Variants in SLMAP observed in about 807,000 individuals in gnomAD.
SLMAP encodes the protein sarcolemma associated protein, also known as sarcolemmal membrane-associated protein.
A neutral mutation model predicts 128.8 loss-of-function variants in SLMAP; 44 were observed. That is an observed-to-expected ratio of 0.34 (90% CI 0.27 to 0.44). The LOEUF is 0.44. SLMAP is among the 20% of genes least tolerant of loss of function. The pLI is 1.00. For synonymous variants in SLMAP, 327 were observed against 348.8 expected (o/e 0.94, Z 0.70); for missense variants, 787 against 985.3 (o/e 0.80, Z 2.69).
chr3:57,779,277 G>A (rs1362579574), intron 2 of SLMAP, among the ~76,000 whole-genome samples: 4 of 152,054 alleles, frequency 2.6e-5, no homozygotes, highest in South Asian at 2.1e-4. Context: ...GGAGGCTGAG[G>A]CAGGTAGATT....
At chr3:57,924,958 T>TTTTTTG (rs2096978276) in intron 23 of SLMAP, among the ~76,000 whole-genome samples, 6 of 134,336 alleles carry the variant, frequency 4.5e-5, no homozygotes, top group Admixed American at 1.5e-4. Flanking sequence ...TTGTTTTTTG[T>TTTTTTG]TTTTTTTTTT....
chr3:57,912,442 C>A lies in SLMAP; in HGVS notation c.1761C>A (p.Ile587=). 6.2e-7 allele frequency: 1 copy of A among 1,614,090 alleles called. No individual in the cohort carries two copies. The highest frequency in any genetic ancestry group is 8.5e-7 in the Non-Finnish European group (1 of 1,179,968). ...ENLREEKDSE[I]TSTRDELLSA... ...TCCGGGAGGAGAAGGACAGTGAAATCACAAGTACTAGAGATGAATTGCTTA... is the reference window on the plus strand; with the variant it reads ...TCCGGGAGGAGAAGGACAGTGAAATAACAAGTACTAGAGATGAATTGCTTA... Residue 587 remains isoleucine (I), a synonymous_variant, in exon 20 of 25, where the codon ATC becomes ATA. Transcript: ENST00000671191.
chr3:57,914,641 G>A (rs1418753636), intron 21 of SLMAP, among the ~76,000 whole-genome samples: 1 of 151,090 alleles, frequency 6.6e-6, no homozygotes, highest in African/African-American at 2.4e-5. Flanking sequence ...AGAGATCAGT[G>A]GCGCGATCTC....
intron 22 of SLMAP, 152 bp from the exon 23 acceptor site, chr3:57,922,737 T>C (rs1418214885): frequency 2.9e-6 from 2 of 695,888 alleles, no homozygotes; most frequent in Non-Finnish European, 4.6e-6. Flanking sequence ...AAAAGACTTC[T>C]TATGAGTGCA....
intron 2 of SLMAP, among the ~76,000 whole-genome samples, chr3:57,803,710 A>G (rs1450996153): frequency 6.6e-6 from 1 of 152,096 alleles, no homozygotes; most frequent in East Asian, 1.9e-4. Flanking sequence ...GGAGGCACAA[A>G]TCCAACATGG....
rs188578338 is a variant in SLMAP at position 57,786,982 on chromosome 3, C to T, written c.198+29133C>T. ...CGATCGCCTGACCTTGTGATCCGCCCGCCTCGGCCTCCCAAAGTGTTGGGA... is the reference window on the plus strand; with the variant it reads ...CGATCGCCTGACCTTGTGATCCGCCTGCCTCGGCCTCCCAAAGTGTTGGGA... On this transcript the variant is annotated intron_variant, in intron 2 of 24. Coordinates refer to ENST00000671191, the MANE Select transcript of SLMAP (RefSeq NM_001377540.1). Among the ~76,000 whole-genome samples the T allele has an allele frequency of 1.0e-2, 1,521 of 152,176 alleles. 17 individuals are homozygous for T. Among genetic ancestry groups the T allele is most frequent in the South Asian group, 0.036 (173 of 4,826 alleles).
At position 57,928,536 on chromosome 3, in the gene SLMAP, A is replaced by T. The variant is rs2097041673; in HGVS notation, c.*1247A>T. On this transcript the variant is annotated 3_prime_UTR_variant, in exon 25 of 25. Coordinates refer to ENST00000671191, the MANE Select transcript of SLMAP (RefSeq NM_001377540.1). ...TATGCACAATGAAGCACCTAAAAAC[A>T]CTGCTTGATATTATAAATTTAAAAC... The T allele has an allele frequency of 6.6e-6, 1 of 152,208 alleles. No individual in the cohort carries two copies. Among genetic ancestry groups the T allele is most frequent in the Admixed American group, 6.5e-5 (1 of 15,278 alleles). 9.4% of individuals were successfully genotyped at this position (152,208 alleles called of 1,614,324 possible). A position where few individuals can be genotyped will look rare whatever the true frequency, so the allele number is the denominator to read the frequency against.
At chr3:57,764,994 G>A (rs896407334) in intron 2 of SLMAP, among the ~76,000 whole-genome samples, 24 of 152,242 alleles carry the variant, frequency 1.6e-4, no homozygotes, top group African/African-American at 4.3e-4. Flanking sequence ...TTTAGGGAAA[G>A]TTTAATGGAT....
chr3:57,851,015 CTTA>C (rs371609540), intron 6 of SLMAP, among the ~76,000 whole-genome samples: 36 of 152,294 alleles, frequency 2.4e-4, no homozygotes, highest in African/African-American at 8.4e-4. Context: ...TTATATAGCA[CTTA>C]TTATATGCCA....
At chr3:57,834,506 T>C (rs937372416) in intron 3 of SLMAP, among the ~76,000 whole-genome samples, 16 of 152,212 alleles carry the variant, frequency 1.1e-4, no homozygotes, top group Non-Finnish European at 1.9e-4. Context: ...TAGAGTAAAT[T>C]GATGTTTTCC....
At chr3:57,907,803 A>T in intron 17 of SLMAP, 81 bp from the exon 18 acceptor site, 1 of 1,364,130 alleles carries the variant, frequency 7.3e-7, no homozygotes, top group Non-Finnish European at 1.0e-6. Flanking sequence ...ATGTGCAAAC[A>T]TGAGAGAGAT....
intron 2 of SLMAP, among the ~76,000 whole-genome samples, chr3:57,823,633 G>T (rs1329892920): frequency 6.6e-6 from 1 of 152,100 alleles, no homozygotes. Context: ...TGGACATTTG[G>T]GTTGGTTCCA....
In SLMAP at chr3:57,809,093, G is replaced by A. The variant is rs1034091460; in HGVS notation, c.199-22290G>A. 2.6e-5 allele frequency among the ~76,000 whole-genome samples: 4 copies of A among 152,024 alleles called. No individual in the cohort carries two copies. In the South Asian group the frequency reaches 8.3e-4, roughly 32 times the overall value. ...GAGCGGGCAGGAGCCCTGCCCTTCC[G>A]GGCACAGCTGCAGGCACCCAAGTCT... On this transcript the variant is annotated intron_variant, in intron 2 of 24. Coordinates refer to ENST00000671191, the MANE Select transcript of SLMAP (RefSeq NM_001377540.1).
intron 5 of SLMAP, among the ~76,000 whole-genome samples, chr3:57,849,279 T>A (rs1163726486): frequency 6.6e-6 from 1 of 152,184 alleles, no homozygotes; most frequent in Non-Finnish European, 1.5e-5. Flanking sequence ...CTTATAATAC[T>A]CTTGAGTTCT....
At chr3:57,916,613 GA>G (rs2096818326) in intron 21 of SLMAP, among the ~76,000 whole-genome samples, 1 of 152,130 alleles carries the variant, frequency 6.6e-6, no homozygotes, top group Non-Finnish European at 1.5e-5. Flanking sequence ...GTCTTTTCAT[GA>G]TGAAATTAAT....
intron 17 of SLMAP, among the ~76,000 whole-genome samples, chr3:57,902,479 T>C (rs942165184): frequency 2.6e-5 from 4 of 152,186 alleles, no homozygotes; most frequent in African/African-American, 9.6e-5. Flanking sequence ...ACAGCAATGA[T>C]ATGATCAGAT....
intron 2 of SLMAP, among the ~76,000 whole-genome samples, chr3:57,804,394 GATAAA>G (rs367580724): frequency 1.8e-4 from 27 of 152,308 alleles, no homozygotes; most frequent in African/African-American, 6.5e-4. Context: ...AGTCAGGAAT[GATAAA>G]ATAAAAATTT....
chr3:57,885,425 T>TG (rs2095855019), intron 14 of SLMAP, among the ~76,000 whole-genome samples: 1 of 26,562 alleles, frequency 3.8e-5, no homozygotes, highest in South Asian at 1.7e-3. Flanking sequence ...GTTTTTGTGT[T>TG]TTTTTTTTTT....
At chr3:57,821,276 G>T (rs1037684989) in intron 2 of SLMAP, among the ~76,000 whole-genome samples, 4 of 152,040 alleles carry the variant, frequency 2.6e-5, no homozygotes, top group African/African-American at 7.2e-5. Flanking sequence ...CCAAAAGAAA[G>T]ATTTATTGTA....
Sources: allele counts gnomAD v4.1 joint callset (sites outside exome capture counted in the v4.1 genomes callset), GRCh38; gene constraint gnomAD v4.1.1; transcripts MANE v1.5; gene names NCBI Gene and HGNC (gene_info 2026-07-23, HGNC 2026-07-21).